The following AXIN2 variants were observed in gnomAD, a reference collection of about 807,000 sequenced individuals.
AXIN2 encodes axin-2.
Under a neutral mutation model 74.7 loss-of-function variants are expected in AXIN2, and 21 were observed. The observed-to-expected ratio is 0.28, with a 90% CI of 0.20 to 0.40. The LOEUF is 0.40. Ranked by LOEUF, AXIN2 falls within the 10% of genes least tolerant of loss-of-function variation. The probability of loss-of-function intolerance (pLI) is 1.00; values close to 1 mark genes in which losing one functional copy is unlikely to be tolerated. For missense variants in AXIN2, 1,144 were observed against 1,111.1 expected, an observed-to-expected ratio of 1.03 and a Z score of -0.42; for synonymous variants, 532 against 454.9, an observed-to-expected ratio of 1.17 and a Z score of -2.16.
intron 6 of AXIN2, 99 bp from the exon 7 acceptor site, chr17:65,537,162 G>A (rs1371717169): frequency 3.9e-6 from 6 of 1,544,748 alleles, no homozygotes; most frequent in African/African-American, 1.4e-5. Context: ...CTGGTGACAC[G>A]AAAGACCCAT....
At chr17:65,540,725 C>G (rs904981930) in intron 4 of AXIN2, among the ~76,000 whole-genome samples, 5 of 152,124 alleles carry the variant, frequency 3.3e-5, no homozygotes, top group Admixed American at 6.5e-5. Context: ...CACCACCCCC[C>G]CAACCTCAGC....
intron 5 of AXIN2, 66 bp from the exon 6 acceptor site, chr17:65,537,901 G>A: frequency 6.7e-7 from 1 of 1,483,982 alleles, no homozygotes; most frequent in Non-Finnish European, 9.0e-7. Flanking sequence ...CCCTGGGGTT[G>A]CAACATTCGG....
intron 3 of AXIN2, among the ~76,000 whole-genome samples, chr17:65,545,259 G>A (rs564944674): frequency 1.2e-4 from 19 of 152,134 alleles, no homozygotes; most frequent in Non-Finnish European, 1.5e-4. Context: ...ACACTTGGGC[G>A]GCAAAGAGTC....
At position 65,557,969 on chromosome 17, in the gene AXIN2, G is replaced by T. The variant is rs766935285; in HGVS notation, c.652C>A (p.Leu218Ile). 1 of 1,614,126 alleles carries T rather than the reference G, an allele frequency of 6.2e-7. No homozygotes were observed. Among genetic ancestry groups the T allele is most frequent in the East Asian group, 2.2e-5 (1 of 44,862 alleles). ...GGGAGATAGCCACACACGACCTTTA[G>T]GCTCCCGAGTCCCCCATTACTCATG... ...AYMSNGGLGS[L>I]KVVCGYLPTL... The change falls in exon 2 of 11, where the codon CTA becomes ATA. Residue 218 changes from leucine (L) to isoleucine (I), a missense_variant. Physicochemically the swap from Leu to Ile is conservative, Grantham distance 5. Transcript: ENST00000307078.
chr17:65,541,605 C>T, intron 3 of AXIN2, 48 bp from the exon 4 acceptor site: 1 of 1,470,488 alleles, frequency 6.8e-7, no homozygotes, highest in Non-Finnish European at 9.5e-7. Context: ...AGGATGTTTT[C>T]AGCACATCAC....
rs115931022 is a variant in AXIN2, at chr17:65,537,801, T to G, written c.1235A>C (p.Asn412Thr). The G allele has an allele frequency of 2.1e-5, 33 of 1,586,662 alleles. No homozygotes were observed. The highest frequency in any genetic ancestry group is 2.8e-5 in the Non-Finnish European group (33 of 1,167,190). The change falls in exon 6 of 11, where the codon AAT (asparagine) becomes ACT (threonine). Residue 412 changes from asparagine (N) to threonine (T), a missense_variant. This residue lies in a region of AXIN2 where 1,053 missense variants were observed against 973.5 expected (regional missense o/e 1.08). Transcript: ENST00000307078. ...CTGCGTGGGCGCCCCCTCCCGCGAATTGAGTGTGAGCTCGGAGCCCTCTCT... is the reference window on the plus strand; with the variant it reads ...CTGCGTGGGCGCCCCCTCCCGCGAAGTGAGTGTGAGCTCGGAGCCCTCTCT... ...EEREGSELTL[N>T]SREGAPTQHP...
At chr17:65,560,560 T>A (rs1242067954) in intron 1 of AXIN2, 1 of 150,950 alleles carries the variant, frequency 6.6e-6, no homozygotes, top group Non-Finnish European at 1.5e-5. Flanking sequence ...ATCTGCCCCC[T>A]CTCCGCCCCC....
chr17:65,542,328 T>C (rs1309840147), intron 3 of AXIN2, among the ~76,000 whole-genome samples: 1 of 152,202 alleles, frequency 6.6e-6, no homozygotes, highest in Non-Finnish European at 1.5e-5. Flanking sequence ...AAGAGAGCAG[T>C]AGACAAAGTG....
chr17:65,552,651 G>C (rs67897974), intron 2 of AXIN2, among the ~76,000 whole-genome samples: 11,542 of 152,180 alleles, frequency 0.076, 652 homozygotes, highest in East Asian at 0.28. Flanking sequence ...CAAGTTCTGA[G>C]GTCCTCCAAA....
intron 10 of AXIN2, among the ~76,000 whole-genome samples, chr17:65,531,401 T>C (rs544600258): frequency 2.0e-5 from 3 of 151,320 alleles, no homozygotes; most frequent in Middle Eastern, 3.2e-3. Flanking sequence ...TGAAGACACG[T>C]CATGTCAAGG....
intron 4 of AXIN2, among the ~76,000 whole-genome samples, chr17:65,538,767 CAGAA>C (rs771014728): frequency 4.4e-4 from 52 of 118,682 alleles, no homozygotes; most frequent in Admixed American, 7.9e-4. Flanking sequence ...AGAATCTAAA[CAGAA>C]AGAGAGTTGA....
chr17:65,552,211 G>A (rs924137489), intron 2 of AXIN2, among the ~76,000 whole-genome samples: 1 of 152,170 alleles, frequency 6.6e-6, no homozygotes, highest in African/African-American at 2.4e-5. Flanking sequence ...AAAAGGCCTC[G>A]TAGTTGAGAA....
At chr17:65,537,177 C>T (rs2043940611) in intron 6 of AXIN2, 114 bp from the exon 7 acceptor site, 8 of 1,534,062 alleles carry the variant, frequency 5.2e-6, no homozygotes, top group Non-Finnish European at 7.1e-6. Context: ...ACCCATGCAC[C>T]TGCTCCCCGC....
At chr17:65,533,262 CAGG>C (rs1489728007) in intron 10 of AXIN2, among the ~76,000 whole-genome samples, 2 of 152,198 alleles carry the variant, frequency 1.3e-5, no homozygotes, top group African/African-American at 2.4e-5. Flanking sequence ...CAGGCCTGGA[CAGG>C]AGGAGTAGAC....
At chr17:65,549,811 A>G in intron 2 of AXIN2, 151 bp from the exon 3 acceptor site, 1 of 1,071,128 alleles carries the variant, frequency 9.3e-7, no homozygotes, top group East Asian at 2.6e-5. Flanking sequence ...GGCAGAAAGC[A>G]GGGGCCACAA....
rs878854721 is a variant in AXIN2, at chr17:65,537,647, G to A, written c.1389C>T (p.Arg463=). 11 of 1,577,414 alleles carry A rather than the reference G, an allele frequency of 7.0e-6. No individual in the cohort carries two copies. Among genetic ancestry groups the A allele is most frequent in the Non-Finnish European group, 9.5e-6 (11 of 1,163,998 alleles). The change falls in exon 6 of 11, where the codon CGC becomes CGT. Residue 463 remains arginine, a synonymous_variant. Coordinates refer to ENST00000307078, the MANE Select transcript of AXIN2 (RefSeq NM_004655.4). Reference sequence around the variant, plus strand: ...GGTGGTGGTGGTCCGGGGAGCGGGAGCGGGGGCTATAGCGGCCTACGCCTG... The same window carrying A: ...GGTGGTGGTGGTCCGGGGAGCGGGAACGGGGGCTATAGCGGCCTACGCCTG... ...QSPGVGRYSP[R]SRSPDHHHHH... is the part of the protein sequence containing the mutation.
At chr17:65,541,348 C>T in intron 4 of AXIN2, 107 bp downstream of exon 4, 1 of 1,029,060 alleles carries the variant, frequency 9.7e-7, no homozygotes, top group South Asian at 1.3e-5. Flanking sequence ...TTAGGTACTG[C>T]TCTTTTCTAC....
chr17:65,560,638 G>A (rs1042250471), intron 1 of AXIN2: 1 of 151,864 alleles, frequency 6.6e-6, no homozygotes, highest in Non-Finnish European at 1.5e-5. Context: ...GCGCTGGGGA[G>A]GGGGCTCCGG....
rs771929991 is a variant in AXIN2 at position 65,538,144 on chromosome 17, T to C, written c.1200+59A>G. The C allele has an allele frequency of 2.2e-5, 35 of 1,612,676 alleles. No individual in the cohort carries two copies. Among genetic ancestry groups the C allele is most frequent in the East Asian group, 1.3e-4 (6 of 44,838 alleles). ...CTAACGCACCCCATGCACATGCGCA[T>C]ACACATACGAGCGCTCACGCCGTGG... On this transcript the variant is annotated intron_variant, in intron 5 of 10. Transcript: ENST00000307078.
Sources: allele counts gnomAD v4.1 joint callset (sites outside exome capture counted in the v4.1 genomes callset), GRCh38; gene constraint gnomAD v4.1.1; regional missense constraint gnomAD v4.1.1; transcripts MANE v1.5; gene names NCBI Gene and HGNC (gene_info 2026-07-23, HGNC 2026-07-21).